Variants in PRDM16 observed in about 807,000 individuals in gnomAD.
The protein encoded by PRDM16 is histone-lysine N-methyltransferase PRDM16.
PRDM16 carries 23 observed loss-of-function variants against 110.6 expected under a neutral mutation model. The ratio of observed to expected loss-of-function variants is 0.21; its 90% CI spans 0.15 to 0.29. PRDM16 has a LOEUF of 0.29. Ranked by LOEUF, PRDM16 falls within the 10% of genes least tolerant of loss-of-function variation. PRDM16 has a pLI of 1.00. For synonymous variants in PRDM16, 799 were observed against 781.8 expected (o/e 1.02, Z -0.37); for missense variants, 1,615 against 1,794.3 (o/e 0.90, Z 1.81).
At chr1:3,256,995 TG>T (rs1640064739) in intron 3 of PRDM16, among the ~76,000 whole-genome samples, 2 of 152,240 alleles carry the variant, frequency 1.3e-5, no homozygotes, top group South Asian at 4.1e-4. Flanking sequence ...AATGATAATA[TG>T]CCTTATTGCT....
At chr1:3,397,339 G>A (rs1438255820) in intron 5 of PRDM16, among the ~76,000 whole-genome samples, 2 of 152,252 alleles carry the variant, frequency 1.3e-5, no homozygotes, top group Admixed American at 1.3e-4. Context: ...TGGGACAAGT[G>A]AGTTTCCCTT....
At chr1:3,102,585 C>T (rs1457406464) in intron 1 of PRDM16, among the ~76,000 whole-genome samples, 3 of 152,314 alleles carry the variant, frequency 2.0e-5, no homozygotes, top group Admixed American at 2.0e-4. Context: ...GGGAAGTGCT[C>T]ATGGGGTTTT....
chr1:3,230,538 C>G (rs539730425), intron 2 of PRDM16, among the ~76,000 whole-genome samples: 98 of 152,356 alleles, frequency 6.4e-4, no homozygotes, highest in African/African-American at 2.3e-3. Flanking sequence ...GTGGCAAGTT[C>G]GTGTGCTTCT....
intron 3 of PRDM16, among the ~76,000 whole-genome samples, chr1:3,326,681 T>C (rs1400041447): frequency 6.6e-6 from 1 of 152,180 alleles, no homozygotes; most frequent in Non-Finnish European, 1.5e-5. Flanking sequence ...AGGGCCTCCA[T>C]CTGGAGGAAG....
intron 1 of PRDM16, among the ~76,000 whole-genome samples, chr1:3,160,887 G>T (rs1348987672): frequency 1.3e-5 from 2 of 152,256 alleles, no homozygotes; most frequent in Non-Finnish European, 1.5e-5. Flanking sequence ...AAGAGGCTGA[G>T]CCTGGGTGTG....
At chr1:3,414,408 G>A (rs1643744849) in intron 9 of PRDM16, among the ~76,000 whole-genome samples, 152 bp from the exon 10 acceptor site, 1 of 151,984 alleles carries the variant, frequency 6.6e-6, no homozygotes, top group South Asian at 2.1e-4. Context: ...AGAGGAGTCT[G>A]GTGAGCGTTG....
chr1:3,409,778 T>A (rs1454774345), intron 8 of PRDM16, among the ~76,000 whole-genome samples: 1 of 138,864 alleles, frequency 7.2e-6, no homozygotes, highest in Non-Finnish European at 1.6e-5. Context: ...TGGTTGTGTG[T>A]GGGTGTGTGG....
chr1:3,073,648 G>A (rs1157342556), intron 1 of PRDM16, among the ~76,000 whole-genome samples: 2 of 152,096 alleles, frequency 1.3e-5, no homozygotes, highest in East Asian at 1.9e-4. Context: ...CAGACGGCGT[G>A]GGCCGGGTCG....
chr1:3,340,666 T>C (rs1642252892), intron 3 of PRDM16, among the ~76,000 whole-genome samples: 1 of 152,202 alleles, frequency 6.6e-6, no homozygotes, highest in South Asian at 2.1e-4. Context: ...TCGATCTTAT[T>C]TGGGGGCCTG....
intron 1 of PRDM16, among the ~76,000 whole-genome samples, chr1:3,115,975 G>A (rs927329028): frequency 8.5e-5 from 13 of 152,278 alleles, no homozygotes; most frequent in African/African-American, 2.4e-4. Context: ...CAGCCTCCCG[G>A]GAGGACTCCC....
chr1:3,238,896 C>T (rs1221974736), intron 2 of PRDM16, among the ~76,000 whole-genome samples: 2 of 152,118 alleles, frequency 1.3e-5, no homozygotes, highest in African/African-American at 4.8e-5. Flanking sequence ...GCCCGGTCAC[C>T]TCAACTCTGC....
chr1:3,389,785 C>T (rs902148217), intron 4 of PRDM16, among the ~76,000 whole-genome samples: 1 of 152,160 alleles, frequency 6.6e-6, no homozygotes, highest in African/African-American at 2.4e-5. Flanking sequence ...CTGCGGGGAC[C>T]GAGCCTTTCC....
chr1:3,354,975 C>T (rs922008189), intron 3 of PRDM16, among the ~76,000 whole-genome samples: 6 of 152,076 alleles, frequency 3.9e-5, no homozygotes, highest in African/African-American at 7.2e-5. Context: ...TTGGGGGAGG[C>T]GGAAATCTGA....
intron 2 of PRDM16, among the ~76,000 whole-genome samples, chr1:3,242,377 C>G (rs1452246494): frequency 6.6e-6 from 1 of 152,218 alleles, no homozygotes; most frequent in Non-Finnish European, 1.5e-5. Context: ...CCCGGGGCGG[C>G]TCACTACGGC....
chr1:3,230,971 G>A (rs901915141), intron 2 of PRDM16, among the ~76,000 whole-genome samples: 1 of 152,146 alleles, frequency 6.6e-6, no homozygotes, highest in African/African-American at 2.4e-5. Context: ...AGAGAGGCTG[G>A]GGAAGGCTCG....
intron 1 of PRDM16, among the ~76,000 whole-genome samples, chr1:3,181,751 C>A (rs1451413580): frequency 1.5e-5 from 2 of 136,854 alleles, no homozygotes; most frequent in Non-Finnish European, 3.2e-5. Flanking sequence ...CGGAGTCTTA[C>A]ACACGGTCTT....
chr1:3,210,317 G>A (rs1474913642), intron 2 of PRDM16, among the ~76,000 whole-genome samples: 1 of 152,216 alleles, frequency 6.6e-6, no homozygotes, highest in Non-Finnish European at 1.5e-5. Context: ...CTCTGAGCAT[G>A]GAGATGAGGA....
rs114446587 is a variant in PRDM16, at chr1:3,222,430, G to A, written c.388-21657G>A. On this transcript the variant is annotated intron_variant, in intron 2 of 16. Coordinates refer to ENST00000270722, the MANE Select transcript of PRDM16 (RefSeq NM_022114.4). The stretch of plus-strand genomic sequence containing the variant: ...TCTCTCTCCCTCCCTCCGCCATGAG[G>A]AGTGGGGGCTCGCAGCCTGTTGCCA... Among the ~76,000 whole-genome samples, 1,053 of 152,328 alleles carry A rather than the reference G, an allele frequency of 6.9e-3. 11 individuals are homozygous for A. The highest frequency in any genetic ancestry group is 0.025 in the African/African-American group (1,024 of 41,568).
rs1642027066 is a variant in PRDM16, at chr1:3,081,456, A to C, written c.37+12160A>C. On this transcript the variant is annotated intron_variant, in intron 1 of 16. Transcript: ENST00000270722. This position sits in a 1 kb window ranked among gnomAD's most constrained non-coding sequence, Gnocchi z 4.6. ...GAGAGCCCCCTCCTTGTCCCACCAG[A>C]CCGAGCTGTGGCCGTGTGAGGAGCA... 6.6e-6 allele frequency among the ~76,000 whole-genome samples: 1 copy of C among 152,152 alleles called. No homozygotes were observed. Among genetic ancestry groups the C allele is most frequent in the African/African-American group, 2.4e-5 (1 of 41,452 alleles).
Sources: gnomAD v4.1 joint callset for allele counts (sites outside exome capture counted in the v4.1 genomes callset) on GRCh38, gnomAD v4.1.1 for gene constraint, Gnocchi (gnomAD v3.1) non-coding constraint, MANE v1.5 for transcripts, NCBI Gene and HGNC (gene_info 2026-07-23, HGNC 2026-07-21) for gene names.